The following IDO2 variants were observed in gnomAD, a reference collection of about 807,000 sequenced individuals.
IDO2 encodes the protein indoleamine 2,3-dioxygenase 2, also known as indoleamine 2,3-dioxygenase-like 1 protein.
A neutral mutation model predicts 45.1 loss-of-function variants in IDO2; 46 were observed. The ratio of observed to expected loss-of-function variants is 1.02; its 90% CI spans 0.80 to 1.30. IDO2 has a LOEUF of 1.30. Ranked by LOEUF, IDO2 falls within the 50% of genes most tolerant of loss-of-function variation. IDO2 has a pLI of 0.00. For synonymous variants in IDO2, 218 were observed against 184.9 expected (o/e 1.18, Z -1.45); for missense variants, 544 against 491.8 (o/e 1.11, Z -1.00).
chr8:39,995,474 G>A (rs1257405931), intron 8 of IDO2, among the ~76,000 whole-genome samples: 2 of 151,452 alleles, frequency 1.3e-5, no homozygotes, highest in African/African-American at 4.9e-5. Flanking sequence ...TAGGGATGGG[G>A]TTTCACCATG....
chr8:39,945,185 G>A (rs752205255), intron 1 of IDO2, among the ~76,000 whole-genome samples: 5 of 152,230 alleles, frequency 3.3e-5, no homozygotes, highest in Non-Finnish European at 5.9e-5. Flanking sequence ...GCCTCTGGCT[G>A]GAAGCCAGAA....
intron 3 of IDO2, among the ~76,000 whole-genome samples, chr8:39,977,997 G>A (rs535831192): frequency 6.6e-6 from 1 of 152,284 alleles, no homozygotes; most frequent in East Asian, 1.9e-4. Flanking sequence ...CAATGTTATT[G>A]TAGCCTCCTG....
chr8:39,969,811 G>A (rs1387546809), intron 3 of IDO2, among the ~76,000 whole-genome samples: 1 of 151,738 alleles, frequency 6.6e-6, no homozygotes, highest in Non-Finnish European at 1.5e-5. Flanking sequence ...GGAAATGGAG[G>A]TTGCAGTGAG....
Position 40,015,610 on chromosome 8 carries a change from C to A in IDO2, c.*8C>A, listed in dbSNP as rs532698228. On this transcript the variant is annotated 3_prime_UTR_variant, in exon 11 of 11. Coordinates refer to ENST00000502986, the Ensembl canonical transcript of IDO2. Reference sequence around the variant, plus strand: ...CTTCACCCACGTGGTTAGGAGGCTGCCCTCTCCCCAGCAATGCAGAGCCCC... The same window carrying A: ...CTTCACCCACGTGGTTAGGAGGCTGACCTCTCCCCAGCAATGCAGAGCCCC... 2.1e-5 allele frequency: 34 copies of A among 1,594,166 alleles called. No individual in the cohort carries two copies. The South Asian group carries it at 3.7e-4, about 17-fold the overall frequency.
intron 3 of IDO2, among the ~76,000 whole-genome samples, chr8:39,978,161 A>G (rs918326118): frequency 2.6e-5 from 4 of 152,164 alleles, no homozygotes; most frequent in African/African-American, 7.2e-5. Context: ...GGATACCCCA[A>G]CCTCAACCCG....
intron 9 of IDO2, among the ~76,000 whole-genome samples, chr8:40,010,307 C>T (rs1212619166): frequency 2.0e-5 from 3 of 151,942 alleles, no homozygotes; most frequent in South Asian, 2.1e-4. Flanking sequence ...GCGTGTTGGT[C>T]GTGGTGGAAG....
At chr8:39,989,635 C>T (rs1478482893) in intron 7 of IDO2, 86 bp from the exon 8 acceptor site, 1 of 920,082 alleles carries the variant, frequency 1.1e-6, no homozygotes, top group South Asian at 1.7e-5. Context: ...CGGTCCTCCC[C>T]TGGGTTCCAA....
intron 8 of IDO2, among the ~76,000 whole-genome samples, chr8:39,996,073 TAAA>T (rs59691325): frequency 1.6e-4 from 22 of 141,602 alleles, no homozygotes; most frequent in Non-Finnish European, 1.8e-4. Context: ...TACCTAAGAG[TAAA>T]AAAAAAAAAA....
At chr8:39,946,065 C>T (rs905212916) in intron 1 of IDO2, among the ~76,000 whole-genome samples, 2 of 152,204 alleles carry the variant, frequency 1.3e-5, no homozygotes, top group Non-Finnish European at 2.9e-5. Context: ...AGGAGTCATA[C>T]AGCTGGAGGC....
At chr8:39,996,235 T>C (rs1455764144) in intron 8 of IDO2, among the ~76,000 whole-genome samples, 1 of 152,116 alleles carries the variant, frequency 6.6e-6, no homozygotes, top group African/African-American at 2.4e-5. Context: ...GGCCTAACCG[T>C]CTCCCTGTGA....
At chr8:39,971,800 T>C (rs1025873656) in intron 3 of IDO2, among the ~76,000 whole-genome samples, 2 of 141,352 alleles carry the variant, frequency 1.4e-5, no homozygotes, top group African/African-American at 5.0e-5. Context: ...AATCTTACGA[T>C]TGAACTTTTC....
At chr8:39,946,103 C>T (rs1282428975) in intron 1 of IDO2, among the ~76,000 whole-genome samples, 1 of 152,200 alleles carries the variant, frequency 6.6e-6, no homozygotes, top group Non-Finnish European at 1.5e-5. Flanking sequence ...CCCTAAACTG[C>T]TCCTAAGATC....
At chr8:39,954,668 T>C (rs1807863479) in intron 2 of IDO2, among the ~76,000 whole-genome samples, 1 of 145,172 alleles carries the variant, frequency 6.9e-6, no homozygotes, top group African/African-American at 2.6e-5. Context: ...TTTTTTTTTT[T>C]TTTTTGAGAC....
chr8:39,971,526 A>G (rs765095639), intron 3 of IDO2, among the ~76,000 whole-genome samples: 11 of 152,218 alleles, frequency 7.2e-5, no homozygotes, highest in South Asian at 2.1e-4. Context: ...TATTCCTGAC[A>G]CAGATAATGA....
At chr8:40,012,606 A>G (rs1476497240) in intron 9 of IDO2, among the ~76,000 whole-genome samples, 2 of 152,252 alleles carry the variant, frequency 1.3e-5, no homozygotes, top group Non-Finnish European at 2.9e-5. Context: ...AGTCACCCCC[A>G]CAAACTGTGA....
intron 5 of IDO2, 32 bp downstream of exon 5, chr8:39,982,802 A>T (rs1318845091): frequency 7.4e-7 from 1 of 1,355,896 alleles, no homozygotes; most frequent in Non-Finnish European, 1.0e-6. Flanking sequence ...TTGAATTTCC[A>T]TAACTTTCCC....
At chr8:40,009,127 G>T (rs908303495) in intron 9 of IDO2, among the ~76,000 whole-genome samples, 1 of 152,098 alleles carries the variant, frequency 6.6e-6, no homozygotes, top group Non-Finnish European at 1.5e-5. Context: ...CTTTCCTCCT[G>T]CCTCAGCCTC....
intron 8 of IDO2, among the ~76,000 whole-genome samples, chr8:39,997,688 A>G (rs942076765): frequency 6.6e-6 from 1 of 152,194 alleles, no homozygotes; most frequent in Non-Finnish European, 1.5e-5. Flanking sequence ...ATCTTTTATG[A>G]AAAAGATTCT....
intron 8 of IDO2, chr8:39,995,285 C>CTTCTTCTTCTTG (rs1802024056): frequency 7.3e-6 from 1 of 136,812 alleles, no homozygotes; most frequent in Non-Finnish European, 1.5e-5. Flanking sequence ...TCTTCTTCTT[C>CTTCTTCTTCTTG]TTCTTTTTTT....
Sources: allele counts gnomAD v4.1 joint callset (sites outside exome capture counted in the v4.1 genomes callset), GRCh38; gene constraint gnomAD v4.1.1; transcripts MANE v1.5; gene names NCBI Gene and HGNC (gene_info 2026-07-23, HGNC 2026-07-21).